CAMTA1: variants seen among roughly 807,000 people sequenced by gnomAD.
The protein encoded by CAMTA1 is calmodulin binding transcription activator 1, also known as calmodulin-binding transcription activator 1.
In CAMTA1, 27 loss-of-function variants were observed where a neutral mutation model predicts 170.9. The ratio of observed to expected loss-of-function variants is 0.16; its 90% CI spans 0.12 to 0.22. The LOEUF (loss-of-function observed/expected upper bound fraction) is 0.22. CAMTA1 is among the 10% of genes least tolerant of loss of function. The pLI is 1.00. For synonymous variants in CAMTA1, 833 were observed against 891.5 expected, an observed-to-expected ratio of 0.93 and a Z score of 1.17; for missense variants, 1,619 against 2,217.2, an observed-to-expected ratio of 0.73 and a Z score of 5.42.
At chr1:7,335,359 G>A (rs979785447) in intron 5 of CAMTA1, among the ~76,000 whole-genome samples, 7 of 152,062 alleles carry the variant, frequency 4.6e-5, no homozygotes, top group African/African-American at 1.2e-4. Flanking sequence ...CATTCCTATC[G>A]GGCATTTATC....
intron 11 of CAMTA1, among the ~76,000 whole-genome samples, chr1:7,684,726 A>T (rs903410708): frequency 6.6e-6 from 1 of 152,122 alleles, no homozygotes; most frequent in Non-Finnish European, 1.5e-5. Context: ...AATTACAAAG[A>T]CTCCATTTCC....
chr1:7,023,244 A>G (rs1701611992), intron 3 of CAMTA1, among the ~76,000 whole-genome samples: 1 of 152,210 alleles, frequency 6.6e-6, no homozygotes, highest in Non-Finnish European at 1.5e-5. Context: ...CTGAGAACCT[A>G]ACATAAAATT....
intron 3 of CAMTA1, among the ~76,000 whole-genome samples, chr1:7,087,175 A>G (rs1204531373): frequency 2.0e-5 from 3 of 152,204 alleles, no homozygotes; most frequent in Non-Finnish European, 2.9e-5. Flanking sequence ...CTGGGGGAAG[A>G]GAGAGAGGCC....
At chr1:7,583,847 A>T (rs2095283943) in intron 6 of CAMTA1, among the ~76,000 whole-genome samples, 1 of 152,064 alleles carries the variant, frequency 6.6e-6, no homozygotes, top group South Asian at 2.1e-4. Flanking sequence ...CGGGAGGTAG[A>T]CCCAGATCAC....
chr1:6,918,425 C>T lies in CAMTA1; in HGVS notation c.234+93215C>T, dbSNP rs1228901073. Reference sequence around the variant, plus strand: ...CCATCATCCCAAGTGACAGAATTTACATCATTAATCATTGGCAGTAATAGA... The same window carrying T: ...CCATCATCCCAAGTGACAGAATTTATATCATTAATCATTGGCAGTAATAGA... On this transcript the variant is annotated intron_variant, in intron 3 of 22. Transcript: ENST00000303635. The surrounding 1 kb of genome is among the most constrained non-coding windows in gnomAD (Gnocchi z 4.0). 1.3e-5 allele frequency among the ~76,000 whole-genome samples: 2 copies of T among 152,196 alleles called. No individual in the cohort carries two copies. Among genetic ancestry groups the T allele is most frequent in the African/African-American group, 4.8e-5 (2 of 41,452 alleles).
intron 5 of CAMTA1, among the ~76,000 whole-genome samples, chr1:7,330,740 A>C (rs2082976585): frequency 6.6e-6 from 1 of 152,216 alleles, no homozygotes; most frequent in South Asian, 2.1e-4. Flanking sequence ...TAAGAGAAAA[A>C]AGTATTAAAT....
intron 6 of CAMTA1, among the ~76,000 whole-genome samples, chr1:7,476,481 T>C (rs1436171009): frequency 1.3e-5 from 2 of 151,976 alleles, no homozygotes; most frequent in Non-Finnish European, 2.9e-5. Flanking sequence ...CCCTCTGACA[T>C]GGGGCAAGCA....
chr1:6,924,409 G>T (rs1366027219), intron 3 of CAMTA1, among the ~76,000 whole-genome samples: 1 of 152,156 alleles, frequency 6.6e-6, no homozygotes, highest in African/African-American at 2.4e-5. Flanking sequence ...GCCTCCTGCA[G>T]GGTCCTGGAG....
At chr1:7,620,398 T>G (rs2150759587) in intron 6 of CAMTA1, among the ~76,000 whole-genome samples, 1 of 152,234 alleles carries the variant, frequency 6.6e-6, no homozygotes, top group Non-Finnish European at 1.5e-5. Context: ...TCCAGGATAC[T>G]CCCATGATGC....
intron 6 of CAMTA1, among the ~76,000 whole-genome samples, chr1:7,601,185 G>T (rs1384393664): frequency 1.7e-5 from 2 of 120,618 alleles, no homozygotes; most frequent in Admixed American, 8.1e-5. Flanking sequence ...CCTCCCGGAC[G>T]GGGTGGCTGC....
chr1:7,125,744 G>A (rs113754667), intron 4 of CAMTA1, among the ~76,000 whole-genome samples: 12 of 152,250 alleles, frequency 7.9e-5, no homozygotes, highest in African/African-American at 2.9e-4. Context: ...GAAGGTTGAG[G>A]GAACAGGCCC....
intron 6 of CAMTA1, among the ~76,000 whole-genome samples, chr1:7,611,060 A>G (rs778381750): frequency 6.6e-6 from 1 of 152,094 alleles, no homozygotes; most frequent in Non-Finnish European, 1.5e-5. Flanking sequence ...CGAAGTGTCC[A>G]TTTTCTCCTC....
Position 7,673,682 on chromosome 1 carries a change from G to C in CAMTA1, c.2779+2645G>C, listed in dbSNP as rs2096081975. ...TGAGAGCTGGGACTCCCCTGCTAGA[G>C]CCAGCACTCTGTCTTCAGCTAACTC... On this transcript the variant is annotated intron_variant, in intron 10 of 22. Transcript: ENST00000303635. The surrounding 1 kb of genome is among the most constrained non-coding windows in gnomAD (Gnocchi z 4.6). 6.6e-6 allele frequency among the ~76,000 whole-genome samples: 1 copy of C among 152,242 alleles called. No homozygotes were observed. The highest frequency in any genetic ancestry group is 2.4e-5 in the African/African-American group (1 of 41,460).
chr1:7,197,045 G>C (rs74051180), intron 4 of CAMTA1, among the ~76,000 whole-genome samples: 4,268 of 152,200 alleles, frequency 0.028, 174 homozygotes, highest in African/African-American at 0.098. Flanking sequence ...TATATATTTT[G>C]TGATCTTCAA....
intron 5 of CAMTA1, among the ~76,000 whole-genome samples, chr1:7,451,550 T>C (rs1055610610): frequency 6.6e-6 from 1 of 152,154 alleles, no homozygotes; most frequent in African/African-American, 2.4e-5. Flanking sequence ...TTTACCAGAA[T>C]ACGCACTGTG....
chr1:7,470,793 G>A (rs2093316239), intron 6 of CAMTA1, among the ~76,000 whole-genome samples: 1 of 152,252 alleles, frequency 6.6e-6, no homozygotes, highest in Non-Finnish European at 1.5e-5. Context: ...GGCCCACTGT[G>A]AACTCGCTCC....
At chr1:7,129,167 A>T (rs1645105938) in intron 4 of CAMTA1, among the ~76,000 whole-genome samples, 1 of 152,012 alleles carries the variant, frequency 6.6e-6, no homozygotes, top group Non-Finnish European at 1.5e-5. Flanking sequence ...GAAGACTATA[A>T]GGTCACTTGC....
At chr1:7,396,434 G>T (rs1163724845) in intron 5 of CAMTA1, among the ~76,000 whole-genome samples, 1 of 152,174 alleles carries the variant, frequency 6.6e-6, no homozygotes, top group Non-Finnish European at 1.5e-5. Flanking sequence ...AATACAAATA[G>T]ACTAAGACAG....
intron 3 of CAMTA1, among the ~76,000 whole-genome samples, chr1:7,053,532 GCCC>G (rs1225404652): frequency 1.3e-5 from 2 of 152,146 alleles, no homozygotes; most frequent in Non-Finnish European, 2.9e-5. Flanking sequence ...GCCTTTCAGG[GCCC>G]CCTTCTCACT....
Sources: gnomAD v4.1 joint callset for allele counts (sites outside exome capture counted in the v4.1 genomes callset) on GRCh38, gnomAD v4.1.1 for gene constraint, Gnocchi (gnomAD v3.1) non-coding constraint, MANE v1.5 for transcripts, NCBI Gene and HGNC (gene_info 2026-07-23, HGNC 2026-07-21) for gene names.